The following KIF6 variants were observed in gnomAD, a reference collection of about 807,000 sequenced individuals.
KIF6 encodes the protein kinesin-like protein KIF6.
A neutral mutation model predicts 112.7 loss-of-function variants in KIF6; 106 were observed. The observed-to-expected ratio is 0.94, with a 90% confidence interval of 0.80 to 1.11. The LOEUF (loss-of-function observed/expected upper bound fraction) is 1.11. Ranked by LOEUF, KIF6 falls within the 50% of genes least tolerant of loss-of-function variation. KIF6 has a pLI of 0.00. For missense variants in KIF6, 929 were observed against 964.0 expected (o/e 0.96, Z 0.48); for synonymous variants, 339 against 339.9 (o/e 1.00, Z 0.03).
At chr6:39,677,795 T>C (rs1279527589) in intron 3 of KIF6, among the ~76,000 whole-genome samples, 1 of 129,410 alleles carries the variant, frequency 7.7e-6, no homozygotes, top group Non-Finnish European at 1.6e-5. Flanking sequence ...TGGTTTTTTG[T>C]TCTTGCGATA....
chr6:39,640,083 T>A (rs1485427760), intron 3 of KIF6, among the ~76,000 whole-genome samples: 1 of 152,046 alleles, frequency 6.6e-6, no homozygotes, highest in East Asian at 1.9e-4. Context: ...TACCTGTAAT[T>A]TGGCAAACTG....
intron 9 of KIF6, among the ~76,000 whole-genome samples, chr6:39,583,954 A>C (rs1469341253): frequency 6.6e-6 from 1 of 151,960 alleles, no homozygotes; most frequent in African/African-American, 2.4e-5. Context: ...TTTTTTGCTT[A>C]AAAACAGTTC....
intron 7 of KIF6, among the ~76,000 whole-genome samples, chr6:39,587,021 G>C (rs1465917746): frequency 6.6e-6 from 1 of 152,182 alleles, no homozygotes; most frequent in African/African-American, 2.4e-5. Flanking sequence ...GCTGTATATA[G>C]GTTTGCTCCC....
Position 39,362,499 on chromosome 6 carries a change from G to C in KIF6, c.1881C>G (p.Ala627=). 1 of 1,613,868 alleles carries C rather than the reference G, an allele frequency of 6.2e-7. No homozygotes were observed. The highest frequency in any genetic ancestry group is 8.5e-7 in the Non-Finnish European group (1 of 1,179,746). Residue 627 remains alanine (A), a synonymous_variant, in exon 17 of 23, where the codon GCC becomes GCG. Coordinates refer to ENST00000287152, the MANE Select transcript of KIF6 (RefSeq NM_145027.6). ...CCTGCTGGTCTGGCATCAGAGGCAC[G>C]GCCATGTTTTCCGAGATTCCTGTAG... ...QVALGISENM[A]VPLMPDQQEE...
intron 13 of KIF6, among the ~76,000 whole-genome samples, chr6:39,507,475 T>C (rs192318784): frequency 1.6e-4 from 25 of 152,208 alleles, no homozygotes; most frequent in Admixed American, 1.6e-3. Flanking sequence ...TCTGGTAATT[T>C]TTTTTGGAGG....
chr6:39,504,248 A>G (rs1313964109), intron 13 of KIF6, among the ~76,000 whole-genome samples: 1 of 152,226 alleles, frequency 6.6e-6, no homozygotes, highest in Admixed American at 6.5e-5. Flanking sequence ...AGAACTAAAG[A>G]CAAAAATCAT....
chr6:39,699,984 T>C (rs963960977), intron 3 of KIF6, among the ~76,000 whole-genome samples: 1 of 152,214 alleles, frequency 6.6e-6, no homozygotes, highest in Admixed American at 6.5e-5. Flanking sequence ...AAATCATTTT[T>C]TCTGATTTTC....
intron 13 of KIF6, among the ~76,000 whole-genome samples, chr6:39,512,917 C>A (rs964053995): frequency 6.6e-6 from 1 of 152,164 alleles, no homozygotes; most frequent in Non-Finnish European, 1.5e-5. Context: ...ATGAGCCAGG[C>A]ACGTCTATAT....
At chr6:39,429,696 T>C (rs1771002562) in intron 14 of KIF6, among the ~76,000 whole-genome samples, 1 of 152,104 alleles carries the variant, frequency 6.6e-6, no homozygotes, top group Non-Finnish European at 1.5e-5. Context: ...GAACACGAGG[T>C]CAGCAGATGA....
At chr6:39,553,469 T>G (rs1779510161) in intron 10 of KIF6, among the ~76,000 whole-genome samples, 1 of 152,216 alleles carries the variant, frequency 6.6e-6, no homozygotes, top group Non-Finnish European at 1.5e-5. Flanking sequence ...TTTGCCTTTT[T>G]AATGGTGAAG....
intron 3 of KIF6, among the ~76,000 whole-genome samples, chr6:39,713,929 A>G (rs1356621182): frequency 6.6e-6 from 1 of 152,332 alleles, no homozygotes; most frequent in Middle Eastern, 3.4e-3. Flanking sequence ...AACTGGGATC[A>G]TTTAGCAGGT....
Position 39,362,510 on chromosome 6 carries a change from C to T in KIF6, c.1870G>A (p.Glu624Lys), listed in dbSNP as rs761285448. The change falls in exon 17 of 23, where the codon GAA becomes AAA. Residue 624 changes from glutamate to lysine, a missense_variant. Physicochemically the swap from Glu to Lys is moderately conservative, Grantham distance 56. Coordinates refer to ENST00000287152, the MANE Select transcript of KIF6 (RefSeq NM_145027.6). ...GGCATCAGAGGCACGGCCATGTTTT[C>T]CGAGATTCCTGTAGAAGGAAGGTGC... ...HIQQVALGIS[E>K]NMAVPLMPDQ... 17 of 1,613,426 alleles carry T rather than the reference C, an allele frequency of 1.1e-5. No individual in the cohort carries two copies. The highest frequency in any genetic ancestry group is 1.6e-4 in the Middle Eastern group (1 of 6,062).
At chr6:39,419,904 G>A in intron 15 of KIF6, 44 bp downstream of exon 15, 3 of 1,533,186 alleles carry the variant, frequency 2.0e-6, no homozygotes, top group African/African-American at 1.4e-5. Flanking sequence ...TTTTCACCAG[G>A]AAAATGGTTT....
Position 39,474,803 on chromosome 6 carries a change from C to T in KIF6, c.1646-43642G>A, listed in dbSNP as rs74810550. 4.5e-3 allele frequency among the ~76,000 whole-genome samples: 686 copies of T among 152,334 alleles called. 7 individuals carry two copies. Among genetic ancestry groups the T allele is most frequent in the African/African-American group, 0.016 (666 of 41,582 alleles). On this transcript the variant is annotated intron_variant, in intron 13 of 22. Coordinates refer to ENST00000287152, the MANE Select transcript of KIF6 (RefSeq NM_145027.6). ...CTCTGGATAAGTGGCAAGCCTCATA[C>T]GATGGTTCCAACTCTAATTTGCAGT...
At position 39,331,850 on chromosome 6, in the gene KIF6, G is replaced by C. The variant is rs1762749868; in HGVS notation, c.*4682C>G. ...AGGAATTACAAGGAGCATTTTTTCT[G>C]CCTAGATTTGAAACACACACCCATT... On this transcript the variant is annotated 3_prime_UTR_variant, in exon 23 of 23. Coordinates refer to ENST00000287152, the MANE Select transcript of KIF6 (RefSeq NM_145027.6). The C allele has an allele frequency of 6.6e-6, 1 of 152,116 alleles. No homozygotes were observed. Among genetic ancestry groups the C allele is most frequent in the Admixed American group, 6.5e-5 (1 of 15,282 alleles). The allele number at this position is 152,116 out of a possible 1,614,324, so 9.4% of individuals were successfully genotyped here. A position where few individuals can be genotyped will look rare whatever the true frequency, so the allele number is the denominator to read the frequency against.
intron 16 of KIF6, among the ~76,000 whole-genome samples, chr6:39,366,554 T>C (rs535990731): frequency 6.6e-6 from 1 of 151,966 alleles, no homozygotes; most frequent in Non-Finnish European, 1.5e-5. Context: ...AAGACTGCCA[T>C]GCTAGGTAGG....
rs537006802 is a variant in KIF6, at chr6:39,646,138, AAAAT to A, written c.252-6385_252-6382del. Among the ~76,000 whole-genome samples, 1,140 of 148,798 alleles carry A rather than the reference AAAAT, an allele frequency of 7.7e-3. 14 individuals are homozygous for A. Among genetic ancestry groups the A allele is most frequent in the African/African-American group, 0.027 (1,070 of 40,296 alleles). Reference sequence around the variant, plus strand: ...GTATAAGAAAAATATATATATATATAAAATAAATAAATAAAGATGAGAAAATGGA... The same window carrying A: ...GTATAAGAAAAATATATATATATATAAAATAAATAAAGATGAGAAAATGGA... On this transcript the variant is annotated intron_variant, in intron 3 of 22. Transcript: ENST00000287152.
intron 19 of KIF6, 131 bp from the exon 20 acceptor site, chr6:39,346,657 T>C (rs1431618647): frequency 3.7e-6 from 2 of 545,262 alleles, no homozygotes; most frequent in African/African-American, 3.9e-5. Flanking sequence ...CTTTTTTTCT[T>C]TTTTTTTGAG....
chr6:39,680,104 G>C (rs1787429591), intron 3 of KIF6, among the ~76,000 whole-genome samples: 1 of 151,360 alleles, frequency 6.6e-6, no homozygotes, highest in South Asian at 2.1e-4. Flanking sequence ...CACTTCCCGG[G>C]TTGAGCAATT....
Sources: gnomAD v4.1 joint callset for allele counts (sites outside exome capture counted in the v4.1 genomes callset) on GRCh38, gnomAD v4.1.1 for gene constraint, MANE v1.5 for transcripts, NCBI Gene and HGNC (gene_info 2026-07-23, HGNC 2026-07-21) for gene names.